The following CNTNAP3 variants were observed in gnomAD, a reference collection of about 807,000 sequenced individuals.
CNTNAP3 encodes the protein contactin associated protein family member 3.
In CNTNAP3, 36 loss-of-function variants were observed where a neutral mutation model predicts 92.1. The ratio of observed to expected loss-of-function variants is 0.39; its 90% CI spans 0.30 to 0.52. CNTNAP3 has a LOEUF of 0.52. Ranked by LOEUF, CNTNAP3 falls within the 20% of genes least tolerant of loss-of-function variation. The probability of loss-of-function intolerance (pLI) is 0.76; values close to 1 mark genes in which losing one functional copy is unlikely to be tolerated. For synonymous variants in CNTNAP3, 232 were observed against 422.3 expected (o/e 0.55, Z 5.53); for missense variants, 534 against 1,069.6 (o/e 0.50, Z 6.98).
intron 22 of CNTNAP3, 31 bp from the exon 23 acceptor site, chr9:39,078,487 T>G: frequency 6.2e-7 from 1 of 1,611,726 alleles, no homozygotes; most frequent in African/African-American, 1.3e-5. Flanking sequence ...ATGATGTTTA[T>G]TAGCTTGATT....
chr9:39,132,015 C>T (rs567909093), intron 13 of CNTNAP3, among the ~76,000 whole-genome samples: 2 of 151,970 alleles, frequency 1.3e-5, no homozygotes, highest in East Asian at 1.9e-4. Flanking sequence ...ATTATGCTAC[C>T]GACATATACT....
intron 15 of CNTNAP3, among the ~76,000 whole-genome samples, chr9:39,108,398 C>A (rs1312088788): frequency 6.6e-6 from 1 of 152,178 alleles, no homozygotes; most frequent in Non-Finnish European, 1.5e-5. Flanking sequence ...GCCACGCCAT[C>A]TGGCACACTC....
At chr9:39,110,352 C>T (rs1162930983) in intron 14 of CNTNAP3, among the ~76,000 whole-genome samples, 9 of 152,052 alleles carry the variant, frequency 5.9e-5, no homozygotes, top group East Asian at 3.9e-4. Context: ...GCCATGTGTG[C>T]GCCACTGCAC....
rs1825662120 is a variant in CNTNAP3 at position 39,073,002 on chromosome 9, T to G, written c.*888A>C. The G allele has an allele frequency of 6.5e-6, 1 of 152,740 alleles. No individual in the cohort carries two copies. Among genetic ancestry groups the G allele is most frequent in the African/African-American group, 2.4e-5 (1 of 41,488 alleles). 9.5% of individuals were successfully genotyped at this position (152,740 alleles called of 1,614,324 possible). ...AAGAAGTATTGTTTGTATCTGGTGG[T>G]AAATTTAGTTAAAAACATAATCACA... On this transcript the variant is annotated 3_prime_UTR_variant, in exon 24 of 24. Coordinates refer to ENST00000297668, the MANE Select transcript of CNTNAP3 (RefSeq NM_033655.5).
At chr9:39,135,986 G>T (rs374966546) in intron 12 of CNTNAP3, among the ~76,000 whole-genome samples, 1 of 151,476 alleles carries the variant, frequency 6.6e-6, no homozygotes, top group South Asian at 2.1e-4. Context: ...AAAATTAGCC[G>T]GGCGTGGTGG....
chr9:39,132,556 G>C (rs1478221190), intron 13 of CNTNAP3, among the ~76,000 whole-genome samples: 1 of 152,098 alleles, frequency 6.6e-6, no homozygotes, highest in East Asian at 1.9e-4. Context: ...GGAAGACTTT[G>C]ACCAGAGTAA....
intron 13 of CNTNAP3, among the ~76,000 whole-genome samples, chr9:39,131,324 C>CA (rs1821288315): frequency 6.6e-6 from 1 of 152,192 alleles, no homozygotes; most frequent in East Asian, 1.9e-4. Flanking sequence ...AAAGAGGAAA[C>CA]AAAGTCTGAG....
chr9:39,147,336 A>G (rs1012448155), intron 10 of CNTNAP3, among the ~76,000 whole-genome samples: 1 of 152,082 alleles, frequency 6.6e-6, no homozygotes, highest in African/African-American at 2.4e-5. Flanking sequence ...GATACTTAAA[A>G]GTGAATTTTC....
At chr9:39,080,953 C>T (rs1288737787) in intron 21 of CNTNAP3, among the ~76,000 whole-genome samples, 3 of 141,494 alleles carry the variant, frequency 2.1e-5, no homozygotes, top group Non-Finnish European at 3.1e-5. Context: ...GCATGAGCCA[C>T]TGCGCCCGGC....
chr9:39,136,160 TAATAAA>T (rs915290989), intron 12 of CNTNAP3, among the ~76,000 whole-genome samples: 5 of 134,806 alleles, frequency 3.7e-5, no homozygotes, highest in African/African-American at 1.2e-4. Context: ...ATAATAATAA[TAATAAA>T]AATAATAGTT....
rs1183790744 is a variant in CNTNAP3 at position 39,064,720 on chromosome 9, A to G, written c.*9170T>C. Among the ~76,000 whole-genome samples the G allele has an allele frequency of 9.2e-5, 14 of 151,930 alleles. No individual in the cohort carries two copies. Among genetic ancestry groups the G allele is most frequent in the African/African-American group, 2.9e-4 (12 of 41,152 alleles). On this transcript the variant is annotated 3_prime_UTR_variant, in exon 24 of 24. Transcript: ENST00000297668. ...TATACAACATATAAACACTGTTTTT[A>G]ACATTTATTACATACATAGAACATA...
chr9:39,069,758 G>A lies in CNTNAP3; in HGVS notation c.*4132C>T, dbSNP rs1170219525. 1.3e-5 allele frequency among the ~76,000 whole-genome samples: 2 copies of A among 152,306 alleles called. No homozygotes were observed. Among genetic ancestry groups the A allele is most frequent in the African/African-American group, 4.8e-5 (2 of 41,482 alleles). ...AAGTATACCAACTTAAACCGTGAGT[G>A]GCTGTTCTGACAACACATCAGCAAT... On this transcript the variant is annotated 3_prime_UTR_variant, in exon 24 of 24. Coordinates refer to ENST00000297668, the MANE Select transcript of CNTNAP3 (RefSeq NM_033655.5).
At chr9:39,097,043 T>C (rs1485501335) in intron 18 of CNTNAP3, among the ~76,000 whole-genome samples, 1 of 152,124 alleles carries the variant, frequency 6.6e-6, no homozygotes, top group East Asian at 1.9e-4. Flanking sequence ...TCTCTGATGA[T>C]CTATTTTTTT....
intron 9 of CNTNAP3, chr9:39,159,629 G>GAGATAGATAGATAGAT (rs376195909): frequency 2.2e-5 from 3 of 136,220 alleles, no homozygotes; most frequent in African/African-American, 3.0e-5. Flanking sequence ...ACCACGCCTG[G>GAGATAGATAGATAGAT]AGATAGATAG....
intron 10 of CNTNAP3, 125 bp downstream of exon 10, chr9:39,149,681 T>C: frequency 9.3e-7 from 1 of 1,074,524 alleles, no homozygotes; most frequent in Non-Finnish European, 1.3e-6. Context: ...ATTATGACTA[T>C]TTCATTCCCT....
intron 12 of CNTNAP3, among the ~76,000 whole-genome samples, chr9:39,135,810 G>A (rs1172829984): frequency 6.6e-6 from 1 of 152,052 alleles, no homozygotes; most frequent in Non-Finnish European, 1.5e-5. Context: ...ATTAACTACT[G>A]TACTGAGAGT....
chr9:39,146,495 CT>C (rs1480326831), intron 10 of CNTNAP3, among the ~76,000 whole-genome samples: 2 of 152,136 alleles, frequency 1.3e-5, no homozygotes, highest in Non-Finnish European at 2.9e-5. Context: ...CGAGACCATC[CT>C]GGCTAACACG....
chr9:39,159,616 G>C (rs1822037136), intron 9 of CNTNAP3: 1 of 139,554 alleles, frequency 7.2e-6, no homozygotes, highest in Non-Finnish European at 1.5e-5. Context: ...ACAGGCGTGG[G>C]CCACCACGCC....
intron 18 of CNTNAP3, among the ~76,000 whole-genome samples, chr9:39,090,230 C>T (rs1393202001): frequency 1.1e-4 from 16 of 152,160 alleles, no homozygotes; most frequent in Admixed American, 4.6e-4. Context: ...TGAGCCACCA[C>T]GCACAGCATC....
Sources: gnomAD v4.1 joint callset for allele counts (sites outside exome capture counted in the v4.1 genomes callset) on GRCh38, gnomAD v4.1.1 for gene constraint, MANE v1.5 for transcripts, NCBI Gene and HGNC (gene_info 2026-07-23, HGNC 2026-07-21) for gene names.